Variants in OR52K1 observed in about 807,000 individuals in gnomAD.
The protein encoded by OR52K1 is olfactory receptor family 52 subfamily K member 1.
A neutral mutation model predicts 8.7 loss-of-function variants in OR52K1; 10 were observed. The ratio of observed to expected loss-of-function variants is 1.15; its 90% CI spans 0.71 to 1.95. The LOEUF (loss-of-function observed/expected upper bound fraction) is 1.95, where lower values mean the gene tolerates loss of function less well. Among genes scored for constraint, OR52K1 ranks in the 30% most tolerant of loss-of-function variants. The pLI, the probability that OR52K1 is intolerant of heterozygous loss-of-function variation, is 0.00. For synonymous variants in OR52K1, 203 were observed against 148.5 expected, an observed-to-expected ratio of 1.37 and a Z score of -2.67; for missense variants, 431 against 397.2, an observed-to-expected ratio of 1.08 and a Z score of -0.72.
Position 4,491,645 on chromosome 11 carries a change from A to T in OR52K1, c.*1800A>T, listed in dbSNP as rs1846375538. The T allele has an allele frequency of 2.0e-5, 3 of 152,128 alleles. No homozygotes were observed. In the South Asian group the frequency reaches 6.2e-4, roughly 32 times the overall value. 9.4% of individuals were successfully genotyped at this position (152,128 alleles called of 1,614,324 possible). A position where few individuals can be genotyped will look rare whatever the true frequency, so the allele number is the denominator to read the frequency against. ...ATGTCCTTTGCAGGAACATGGATGG[A>T]GCTAGAGGCCATTATTCTTTGCAAA... On this transcript the variant is annotated 3_prime_UTR_variant, in exon 2 of 2. Coordinates refer to ENST00000641528, the MANE Select transcript of OR52K1 (RefSeq NM_001005171.3).
In OR52K1 at chr11:4,489,584, C is replaced by T. The variant is rs765929883; in HGVS notation, c.684C>T (p.Leu228=). ...ATGTCTTCATCCTTCAGGCAGTTCT[C>T]CAGCTTGCCTCTCAGGAGGCCCGCT... The part of the protein sequence containing the change: ...LSYVFILQAV[L]QLASQEARYK... The change falls in exon 2 of 2, where the codon CTC becomes CTT. Residue 228 remains leucine (L), a synonymous_variant. Transcript: ENST00000641528. 6.2e-7 allele frequency: 1 copy of T among 1,614,234 alleles called. No homozygotes were observed. Among genetic ancestry groups the T allele is most frequent in the Non-Finnish European group, 8.5e-7 (1 of 1,180,040 alleles).
chr11:4,487,251 T>G (rs1038696087), intron 1 of OR52K1, among the ~76,000 whole-genome samples: 1 of 152,156 alleles, frequency 6.6e-6, no homozygotes, highest in African/African-American at 2.4e-5. Flanking sequence ...ATAAATAATT[T>G]TTTAAAAAGT....
chr11:4,484,880 G>A (rs901833545), intron 1 of OR52K1, among the ~76,000 whole-genome samples: 6 of 147,678 alleles, frequency 4.1e-5, no homozygotes, highest in South Asian at 2.1e-4. Flanking sequence ...AGTTGACTTC[G>A]CTTTCCATTT....
rs779005959 is a variant in OR52K1, at chr11:4,489,865, T to TA, written c.*21dup. ...ATGTAGATGGATAGTTCTCTTTTTTTATCCCACTTGCCAAGTAATGAGAAT... is the reference window on the plus strand; with the variant it reads ...ATGTAGATGGATAGTTCTCTTTTTTTAATCCCACTTGCCAAGTAATGAGAAT... On this transcript the variant is annotated 3_prime_UTR_variant, in exon 2 of 2. Transcript: ENST00000641528. 7.9e-6 allele frequency: 12 copies of TA among 1,514,116 alleles called. No homozygotes were observed. Among genetic ancestry groups the TA allele is most frequent in the African/African-American group, 4.1e-5 (3 of 72,500 alleles). 93.8% of individuals were successfully genotyped at this position (1,514,116 alleles called of 1,614,324 possible). A position where few individuals can be genotyped will look rare whatever the true frequency, so the allele number is the denominator to read the frequency against.
In OR52K1 at chr11:4,489,026, A is replaced by G; in HGVS notation, c.126A>G (p.Leu42=). Residue 42 remains leucine (L), a synonymous_variant, in exon 2 of 2, where the codon CTA becomes CTG. Coordinates refer to ENST00000641528, the MANE Select transcript of OR52K1 (RefSeq NM_001005171.3). ...GCTTTGCTTATACTCTGGCCCTGCTAGGCAACTGTACCCTTCTCTTCATTA... is the reference window on the plus strand; with the variant it reads ...GCTTTGCTTATACTCTGGCCCTGCTGGGCAACTGTACCCTTCTCTTCATTA... The part of the protein sequence containing the change: ...PFCFAYTLAL[L]GNCTLLFIIQ... The G allele has an allele frequency of 6.2e-7, 1 of 1,614,112 alleles. No homozygotes were observed. The highest frequency in any genetic ancestry group is 8.5e-7 in the Non-Finnish European group (1 of 1,179,954).
intron 1 of OR52K1, among the ~76,000 whole-genome samples, chr11:4,484,869 C>CACACACACACAG (rs1846308981): frequency 2.0e-5 from 3 of 151,230 alleles, no homozygotes; most frequent in African/African-American, 7.3e-5. Flanking sequence ...CACACACACA[C>CACACACACACAG]AGTTGACTTC....
chr11:4,484,541 C>G (rs1207749593), intron 1 of OR52K1, among the ~76,000 whole-genome samples: 1 of 151,958 alleles, frequency 6.6e-6, no homozygotes, highest in Non-Finnish European at 1.5e-5. Flanking sequence ...TGATTTCTGC[C>G]TCAGGCATGG....
rs73425787 is a variant in OR52K1, at chr11:4,484,236, T to A, written c.-329+1060T>A. On this transcript the variant is annotated intron_variant, in intron 1 of 1. Transcript: ENST00000641528. ...TGGTGGGTAATTGTTGAAGGATAAA[T>A]ATTGGAGAACAAAGTGGAACTTTGT... Among the ~76,000 whole-genome samples the A allele has an allele frequency of 2.4e-3, 373 of 152,260 alleles. 5 individuals are homozygous for A. Among genetic ancestry groups the A allele is most frequent in the African/African-American group, 8.6e-3 (359 of 41,550 alleles).
rs1564832836 is a variant in OR52K1 at position 4,489,645 on chromosome 11, G to A, written c.745G>A (p.Ala249Thr). The change falls in exon 2 of 2, where the codon GCC (alanine) becomes ACC (threonine). Residue 249 changes from alanine (A) to threonine (T), a missense_variant. By Grantham distance (58) the Ala-to-Thr change is moderately conservative. Coordinates refer to ENST00000641528, the MANE Select transcript of OR52K1 (RefSeq NM_001005171.3). ...TGGGACATGTGTGTCTCACATAGGT[G>A]CCATCCTGTCCACCTACACTCCAGT... ...AFGTCVSHIG[A>T]ILSTYTPVVI... is the part of the protein sequence containing the mutation. The A allele has an allele frequency of 6.2e-7, 1 of 1,614,184 alleles. No homozygotes were observed. Among genetic ancestry groups the A allele is most frequent in the Non-Finnish European group, 8.5e-7 (1 of 1,180,026 alleles).
chr11:4,491,575 A>G lies in OR52K1; in HGVS notation c.*1730A>G, dbSNP rs1202341766. ...TGACTGGATAAAGAAAATGTGATAC[A>G]TATGCACCATGGAATACTATGCAGC... On this transcript the variant is annotated 3_prime_UTR_variant, in exon 2 of 2. Transcript: ENST00000641528. 3.3e-5 allele frequency: 5 copies of G among 152,256 alleles called. No homozygotes were observed. The highest frequency in any genetic ancestry group is 6.5e-5 in the Admixed American group (1 of 15,288). The allele number at this position is 152,256 out of a possible 1,614,324, so 9.4% of individuals were successfully genotyped here. A position where few individuals can be genotyped will look rare whatever the true frequency, so the allele number is the denominator to read the frequency against.
Position 4,491,426 on chromosome 11 carries a change from A to C in OR52K1, c.*1581A>C, listed in dbSNP as rs190164457. The C allele has an allele frequency of 6.6e-6, 1 of 152,314 alleles. No individual in the cohort carries two copies. The highest frequency in any genetic ancestry group is 1.9e-4 in the East Asian group (1 of 5,186). The allele number at this position is 152,314 out of a possible 1,614,324, so 9.4% of individuals were successfully genotyped here. On this transcript the variant is annotated 3_prime_UTR_variant, in exon 2 of 2. Coordinates refer to ENST00000641528, the MANE Select transcript of OR52K1 (RefSeq NM_001005171.3). ...ATACCATTTGACTGAGTGATCCTTT[A>C]GTGGGTATGTACCCAAAGGAACCTA...
At position 4,491,150 on chromosome 11, in the gene OR52K1, CT is replaced by C. The variant is rs955314325; in HGVS notation, c.*1306del. 12 of 152,286 alleles carry C rather than the reference CT, an allele frequency of 7.9e-5. No individual in the cohort carries two copies. The highest frequency in any genetic ancestry group is 2.9e-4 in the African/African-American group (12 of 41,544). 9.4% of individuals were successfully genotyped at this position (152,286 alleles called of 1,614,324 possible). A position where few individuals can be genotyped will look rare whatever the true frequency, so the allele number is the denominator to read the frequency against. ...TTACTGTCCACCAATATTTAGTCTC[CT>C]GTCCTTCTATCATGGGTAGGGTATT... On this transcript the variant is annotated 3_prime_UTR_variant, in exon 2 of 2. Coordinates refer to ENST00000641528, the MANE Select transcript of OR52K1 (RefSeq NM_001005171.3).
chr11:4,490,999 G>C lies in OR52K1; in HGVS notation c.*1154G>C, dbSNP rs994356840. 1.3e-5 allele frequency: 2 copies of C among 152,168 alleles called. No homozygotes were observed. Among genetic ancestry groups the C allele is most frequent in the African/African-American group, 4.8e-5 (2 of 41,426 alleles). The allele number at this position is 152,168 out of a possible 1,614,324, so 9.4% of individuals were successfully genotyped here. ...ATAGCAAGCGATACCATCTAGGTTT[G>C]TGTAAATACACTCTATGATGTTCAC... On this transcript the variant is annotated 3_prime_UTR_variant, in exon 2 of 2. Transcript: ENST00000641528.
intron 1 of OR52K1, among the ~76,000 whole-genome samples, chr11:4,485,841 C>T: frequency 6.6e-6 from 1 of 152,196 alleles, no homozygotes; most frequent in East Asian, 1.9e-4. Context: ...CCACAAAGGC[C>T]TGTGGGGCCC....
At chr11:4,485,754 G>T (rs1451952027) in intron 1 of OR52K1, among the ~76,000 whole-genome samples, 1 of 152,056 alleles carries the variant, frequency 6.6e-6, no homozygotes, top group Non-Finnish European at 1.5e-5. Flanking sequence ...AACTTTAAAA[G>T]TATAAGTCAC....
In OR52K1 at chr11:4,489,891, G is replaced by A. The variant is rs745563193; in HGVS notation, c.*46G>A. 1.5e-6 allele frequency: 2 copies of A among 1,378,280 alleles called. No individual in the cohort carries two copies. Among genetic ancestry groups the A allele is most frequent in the Admixed American group, 4.0e-5 (2 of 50,442 alleles). 85.4% of individuals were successfully genotyped at this position (1,378,280 alleles called of 1,614,324 possible). A position where few individuals can be genotyped will look rare whatever the true frequency, so the allele number is the denominator to read the frequency against. On this transcript the variant is annotated 3_prime_UTR_variant, in exon 2 of 2. Coordinates refer to ENST00000641528, the MANE Select transcript of OR52K1 (RefSeq NM_001005171.3). ...ATCCCACTTGCCAAGTAATGAGAAT[G>A]CTGGATTGGGGTTGAGGGGAAAAAT...
intron 1 of OR52K1, among the ~76,000 whole-genome samples, chr11:4,486,173 C>T (rs751551249): frequency 5.3e-5 from 8 of 152,212 alleles, no homozygotes; most frequent in Admixed American, 4.6e-4. Flanking sequence ...ATTGCATGGG[C>T]ACCTCAGGGA....
chr11:4,489,851 T>G lies in OR52K1; in HGVS notation c.*6T>G. On this transcript the variant is annotated 3_prime_UTR_variant, in exon 2 of 2. Transcript: ENST00000641528. ...TCCAGAGAAAGAACATGTAGATGGA[T>G]AGTTCTCTTTTTTTATCCCACTTGC... The G allele has an allele frequency of 6.4e-7, 1 of 1,560,370 alleles. No individual in the cohort carries two copies. Among genetic ancestry groups the G allele is most frequent in the Non-Finnish European group, 8.7e-7 (1 of 1,149,434 alleles).
intron 1 of OR52K1, among the ~76,000 whole-genome samples, chr11:4,483,431 G>T (rs566594427): frequency 6.6e-6 from 1 of 152,178 alleles, no homozygotes; most frequent in African/African-American, 2.4e-5. Context: ...ACAATGAACA[G>T]TCTGGACAAA....
Sources: allele counts gnomAD v4.1 joint callset (sites outside exome capture counted in the v4.1 genomes callset), GRCh38; gene constraint gnomAD v4.1.1; transcripts MANE v1.5; gene names NCBI Gene and HGNC (gene_info 2026-07-23, HGNC 2026-07-21).